The following CCSER2 variants were observed in gnomAD, a reference collection of about 807,000 sequenced individuals.
CCSER2 encodes the protein serine-rich coiled-coil domain-containing protein 2.
CCSER2 carries 46 observed loss-of-function variants against 92.3 expected under a neutral mutation model. The ratio of observed to expected loss-of-function variants is 0.50; its 90% CI spans 0.39 to 0.64. The LOEUF (loss-of-function observed/expected upper bound fraction) is 0.64, where lower values mean the gene tolerates loss of function less well. CCSER2 is among the 30% of genes least tolerant of loss of function. The pLI, the probability that CCSER2 is intolerant of heterozygous loss-of-function variation, is 0.00. For missense variants in CCSER2, 1,244 were observed against 1,238.9 expected (o/e 1.00, Z -0.06); for synonymous variants, 433 against 431.4 (o/e 1.00, Z -0.04).
intron 3 of CCSER2, among the ~76,000 whole-genome samples, chr10:84,399,246 C>A (rs1841993736): frequency 6.6e-6 from 1 of 152,086 alleles, no homozygotes; most frequent in Non-Finnish European, 1.5e-5. Context: ...TCCAGCTGTA[C>A]CCATTGTTTA....
intron 1 of CCSER2, among the ~76,000 whole-genome samples, chr10:84,360,240 C>T (rs561252970): frequency 6.6e-6 from 1 of 152,330 alleles, no homozygotes; most frequent in African/African-American, 2.4e-5. Flanking sequence ...TTAACTGTCA[C>T]ACTCCCTTTT....
At chr10:84,447,063 C>T (rs1844968003) in intron 6 of CCSER2, among the ~76,000 whole-genome samples, 1 of 151,328 alleles carries the variant, frequency 6.6e-6, no homozygotes, top group South Asian at 2.1e-4. Flanking sequence ...AATAATATTC[C>T]TATGAACATT....
At chr10:84,392,259 A>G (rs368253990) in intron 3 of CCSER2, among the ~76,000 whole-genome samples, 36 of 138,666 alleles carry the variant, frequency 2.6e-4, no homozygotes, top group African/African-American at 7.9e-4. Context: ...TAACATGTGG[A>G]GCCTTTGTGG....
intron 6 of CCSER2, among the ~76,000 whole-genome samples, chr10:84,451,261 TTTTTTGTTTTTTG>T (rs1845269995): frequency 6.7e-6 from 1 of 149,740 alleles, no homozygotes; most frequent in East Asian, 2.0e-4. Context: ...TGGGTTTTTT[TTTTTTGTTTTTTG>T]TTTTTTTTTT....
At chr10:84,366,606 T>A (rs996394310) in intron 1 of CCSER2, among the ~76,000 whole-genome samples, 9 of 152,178 alleles carry the variant, frequency 5.9e-5, no homozygotes, top group African/African-American at 2.2e-4. Context: ...GAGGATAGAA[T>A]CTTCCAAGGG....
intron 4 of CCSER2, among the ~76,000 whole-genome samples, chr10:84,418,529 A>T (rs1842985828): frequency 6.6e-6 from 1 of 152,232 alleles, no homozygotes; most frequent in Non-Finnish European, 1.5e-5. Context: ...GGCTGCCCTT[A>T]GAAATCTGAG....
rs1194388128 is a variant in CCSER2 at position 84,517,103 on chromosome 10, A to G, written c.*2836A>G. ...CCAAATCCTCCTCCACAAACCATTT[A>G]TTGTCTTAGTTCTAGTGGTATCAAT... On this transcript the variant is annotated 3_prime_UTR_variant, in exon 10 of 10. Transcript: ENST00000372088. The G allele has an allele frequency of 1.3e-5, 2 of 152,182 alleles. No homozygotes were observed. Among genetic ancestry groups the G allele is most frequent in the African/African-American group, 2.4e-5 (1 of 41,454 alleles). The allele number at this position is 152,182 out of a possible 1,614,324, so 9.4% of individuals were successfully genotyped here.
chr10:84,456,158 A>C (rs948935006), intron 6 of CCSER2: 1 of 286,542 alleles, frequency 3.5e-6, no homozygotes, highest in Non-Finnish European at 6.9e-6. Context: ...CCCCACCTGC[A>C]TGAATTCAGT....
chr10:84,370,943 A>G (rs1589465278), intron 1 of CCSER2, 71 bp from the exon 2 acceptor site: 1 of 690,728 alleles, frequency 1.4e-6, no homozygotes, highest in East Asian at 2.9e-5. Flanking sequence ...TGTAAGTATC[A>G]TATTATGTAA....
At chr10:84,440,870 T>C (rs1423744883) in intron 6 of CCSER2, among the ~76,000 whole-genome samples, 1 of 152,236 alleles carries the variant, frequency 6.6e-6, no homozygotes, top group Non-Finnish European at 1.5e-5. Context: ...GCATTGCTTT[T>C]CTAGGATCTT....
chr10:84,439,240 C>A (rs1045275481), intron 6 of CCSER2, among the ~76,000 whole-genome samples: 1 of 134,036 alleles, frequency 7.5e-6, no homozygotes, highest in African/African-American at 2.8e-5. Context: ...GCAGTGATGT[C>A]ACTTGTCCAA....
intron 3 of CCSER2, chr10:84,392,153 A>G: frequency 1.7e-6 from 1 of 576,890 alleles, no homozygotes; most frequent in Non-Finnish European, 3.1e-6. Flanking sequence ...GGGGAAGGGT[A>G]AACCGGTAGG....
intron 3 of CCSER2, among the ~76,000 whole-genome samples, chr10:84,379,071 G>A (rs1322952472): frequency 6.6e-6 from 1 of 152,198 alleles, no homozygotes; most frequent in African/African-American, 2.4e-5. Context: ...CCTTAGGTAT[G>A]TAAAAGAATT....
chr10:84,330,613 T>C (rs10082518), intron 1 of CCSER2, among the ~76,000 whole-genome samples: 50,817 of 151,886 alleles, frequency 0.33, 10,078 homozygotes, highest in African/African-American at 0.56. Context: ...CCTGGGTTCA[T>C]GCGATTCTCT....
At chr10:84,485,009 A>T (rs1023993597) in intron 9 of CCSER2, among the ~76,000 whole-genome samples, 2 of 152,224 alleles carry the variant, frequency 1.3e-5, no homozygotes, top group South Asian at 4.1e-4. Context: ...TCAATACCAG[A>T]TACTAGAACT....
At chr10:84,442,574 T>TG (rs778597819) in intron 6 of CCSER2, among the ~76,000 whole-genome samples, 3 of 152,272 alleles carry the variant, frequency 2.0e-5, no homozygotes, top group Non-Finnish European at 4.4e-5. Context: ...ATTTCTTTTT[T>TG]GTGTGTTTTT....
At chr10:84,394,385 ATGTGTGTG>A (rs60891669) in intron 3 of CCSER2, among the ~76,000 whole-genome samples, 5,091 of 132,660 alleles carry the variant, frequency 0.038, 113 homozygotes, top group Middle Eastern at 0.071. Context: ...AAAGGAAAGT[ATGTGTGTG>A]TGTGTGTGTG....
chr10:84,329,037 C>G (rs1219770152), intron 1 of CCSER2, among the ~76,000 whole-genome samples: 1 of 151,734 alleles, frequency 6.6e-6, no homozygotes, highest in Non-Finnish European at 1.5e-5. Flanking sequence ...CTCCCTGCGG[C>G]TGTGACAGCG....
At chr10:84,453,503 C>T (rs532883910) in intron 6 of CCSER2, among the ~76,000 whole-genome samples, 5 of 152,306 alleles carry the variant, frequency 3.3e-5, no homozygotes, top group Middle Eastern at 3.4e-3. Flanking sequence ...GTTAATCTCT[C>T]GCCAACAGCG....
Sources: gnomAD v4.1 joint callset for allele counts (sites outside exome capture counted in the v4.1 genomes callset) on GRCh38, gnomAD v4.1.1 for gene constraint, MANE v1.5 for transcripts, NCBI Gene and HGNC (gene_info 2026-07-23, HGNC 2026-07-21) for gene names.